The following RAB11A variants were observed in gnomAD, a reference collection of about 807,000 sequenced individuals.
RAB11A encodes the protein ras-related protein Rab-11A.
RAB11A carries 9 observed loss-of-function variants against 28.0 expected under a neutral mutation model. The ratio of observed to expected loss-of-function variants is 0.32; its 90% CI spans 0.19 to 0.56. The LOEUF is 0.56. RAB11A is among the 20% of genes least tolerant of loss of function. The pLI, the probability that RAB11A is intolerant of heterozygous loss-of-function variation, is 0.91. For synonymous variants in RAB11A, 85 were observed against 88.2 expected (o/e 0.96, Z 0.20); for missense variants, 108 against 269.6 (o/e 0.40, Z 4.20).
At chr15:65,871,791 CT>C (rs1463016238) in intron 1 of RAB11A, among the ~76,000 whole-genome samples, 1 of 151,656 alleles carries the variant, frequency 6.6e-6, no homozygotes, top group African/African-American at 2.4e-5. Flanking sequence ...CAGTTCTCTA[CT>C]TTATAAAAAG....
intron 1 of RAB11A, among the ~76,000 whole-genome samples, chr15:65,871,158 A>G (rs992378742): frequency 9.2e-5 from 14 of 152,064 alleles, no homozygotes; most frequent in African/African-American, 3.1e-4. Context: ...CAAGCAGGAA[A>G]GATTTCTTTG....
At position 65,879,672 on chromosome 15, in the gene RAB11A, A is replaced by G; in HGVS notation, c.432A>G (p.Glu144=). The stretch of plus-strand genomic sequence containing the variant: ...CTGAACTTTTGTGTCTCCCCTCAGA[A>G]AAGAATGGTTTGTCATTCATTGAAA... ...VPTDEARAFA[E]KNGLSFIETS... The change falls in exon 4 of 5, where the codon GAA becomes GAG. Residue 144 remains glutamate (E), a splice_region_variant and synonymous_variant. Transcript: ENST00000261890. 6.3e-7 allele frequency: 1 copy of G among 1,587,436 alleles called. No homozygotes were observed. The highest frequency in any genetic ancestry group is 8.6e-7 in the Non-Finnish European group (1 of 1,157,714).
At chr15:65,874,219 G>C (rs533772372) in intron 1 of RAB11A, among the ~76,000 whole-genome samples, 2 of 151,038 alleles carry the variant, frequency 1.3e-5, no homozygotes, top group Non-Finnish European at 3.0e-5. Context: ...CAGATGTCTA[G>C]TTGATAACTT....
At chr15:65,878,028 T>G (rs1401631982) in intron 3 of RAB11A, 73 bp downstream of exon 3, 1 of 1,334,688 alleles carries the variant, frequency 7.5e-7, no homozygotes. Context: ...ATGAGAGTAA[T>G]AGGTTATAAT....
chr15:65,888,177 C>A lies in RAB11A; in HGVS notation c.*337C>A. 1 of 182,300 alleles carries A rather than the reference C, an allele frequency of 5.5e-6. No individual in the cohort carries two copies. Among genetic ancestry groups the A allele is most frequent in the Non-Finnish European group, 1.1e-5 (1 of 88,400 alleles). 11.3% of individuals were successfully genotyped at this position (182,300 alleles called of 1,614,324 possible). A position where few individuals can be genotyped will look rare whatever the true frequency, so the allele number is the denominator to read the frequency against. Reference sequence around the variant, plus strand: ...GAAGCTCAGACCTATTGGTCTTGATCAAATCAAACTAAGAAGACCTTAGAA... The same window carrying A: ...GAAGCTCAGACCTATTGGTCTTGATAAAATCAAACTAAGAAGACCTTAGAA... On this transcript the variant is annotated 3_prime_UTR_variant, in exon 5 of 5. Coordinates refer to ENST00000261890, the MANE Select transcript of RAB11A (RefSeq NM_004663.5).
At chr15:65,870,272 G>A (rs527651328) in intron 1 of RAB11A, among the ~76,000 whole-genome samples, 2 of 152,216 alleles carry the variant, frequency 1.3e-5, no homozygotes, top group Admixed American at 1.3e-4. Flanking sequence ...AACCTTCTCT[G>A]ACCGCTCCCT....
At chr15:65,885,062 CAAAAA>C (rs993212269) in intron 4 of RAB11A, among the ~76,000 whole-genome samples, 2 of 138,340 alleles carry the variant, frequency 1.4e-5, no homozygotes, top group African/African-American at 2.7e-5. Context: ...GACTCTGTCT[CAAAAA>C]AAAAGGCATT....
rs370988187 is a variant in RAB11A at position 65,877,568 on chromosome 15, A to G, written c.236+41A>G. The stretch of plus-strand genomic sequence containing the variant: ...TTTAAGTTCTGTGAAATGGGTTGCC[A>G]TCGAGTGAATTAGCTGACTTTTGGT... On this transcript the variant is annotated intron_variant, in intron 2 of 4. Transcript: ENST00000261890. The surrounding 1 kb of genome is among the most constrained non-coding windows in gnomAD (Gnocchi z 4.1). 1.2e-5 allele frequency: 19 copies of G among 1,564,416 alleles called. No homozygotes were observed. The highest frequency in any genetic ancestry group is 1.7e-5 in the Non-Finnish European group (19 of 1,149,120).
In RAB11A at chr15:65,885,289, A is replaced by AT. The variant is rs57448123; in HGVS notation, c.512-2402dup. The stretch of plus-strand genomic sequence containing the variant: ...AGGCGGGTGCCACCCCACCTGGCTA[A>AT]TTTTTTTTTTGTATTTTTAGTAGAG... On this transcript the variant is annotated intron_variant, in intron 4 of 4. Coordinates refer to ENST00000261890, the MANE Select transcript of RAB11A (RefSeq NM_004663.5). Among the ~76,000 whole-genome samples, 1,398 of 148,048 alleles carry AT rather than the reference A, an allele frequency of 9.4e-3. 22 individuals are homozygous for AT. The highest frequency in any genetic ancestry group is 0.032 in the African/African-American group (1,298 of 40,446).
At chr15:65,872,830 T>A (rs1424756299) in intron 1 of RAB11A, among the ~76,000 whole-genome samples, 1 of 152,234 alleles carries the variant, frequency 6.6e-6, no homozygotes, top group Non-Finnish European at 1.5e-5. Flanking sequence ...TTCTTATTTA[T>A]ACAAGTATCC....
intron 4 of RAB11A, among the ~76,000 whole-genome samples, chr15:65,886,813 A>T (rs1567139468): frequency 6.6e-6 from 1 of 152,268 alleles, no homozygotes; most frequent in Admixed American, 6.5e-5. Context: ...AAAGAGGCAG[A>T]CACTAAATTA....
At chr15:65,876,047 A>T (rs529924512) in intron 1 of RAB11A, among the ~76,000 whole-genome samples, 1 of 152,392 alleles carries the variant, frequency 6.6e-6, no homozygotes, top group Admixed American at 6.5e-5. Context: ...TAAACGTGTG[A>T]ACTCATTTTG....
intron 1 of RAB11A, chr15:65,869,952 A>C: frequency 1.6e-5 from 4 of 247,928 alleles, no homozygotes; most frequent in Non-Finnish European, 2.3e-5. Context: ...TCCTCCCACC[A>C]TCTCTCTTTT....
At chr15:65,873,505 C>T (rs2078175512) in intron 1 of RAB11A, among the ~76,000 whole-genome samples, 1 of 152,090 alleles carries the variant, frequency 6.6e-6, no homozygotes, top group Admixed American at 6.6e-5. Flanking sequence ...TCTGGAAAAA[C>T]TTGTCTAGAC....
Position 65,877,221 on chromosome 15 carries a change from A to G in RAB11A, c.41-111A>G. On this transcript the variant is annotated intron_variant, in intron 1 of 4. Coordinates refer to ENST00000261890, the MANE Select transcript of RAB11A (RefSeq NM_004663.5). This position sits in a 1 kb window ranked among gnomAD's most constrained non-coding sequence, Gnocchi z 4.1. ...TTCCTTTTTAAAAGTCATATACCTT[A>G]TTTTTCTTGCTTTATTTACTCTGAA... The G allele has an allele frequency of 1.1e-6, 1 of 897,052 alleles. No individual in the cohort carries two copies. Among genetic ancestry groups the G allele is most frequent in the Non-Finnish European group, 1.7e-6 (1 of 592,990 alleles). 55.6% of individuals were successfully genotyped at this position (897,052 alleles called of 1,614,324 possible).
intron 4 of RAB11A, among the ~76,000 whole-genome samples, chr15:65,886,621 G>C (rs1234462534): frequency 6.6e-6 from 1 of 152,172 alleles, no homozygotes; most frequent in Non-Finnish European, 1.5e-5. Context: ...TTATAATCTA[G>C]TCACAGGGAA....
intron 4 of RAB11A, among the ~76,000 whole-genome samples, chr15:65,882,032 CAG>C (rs1179569295): frequency 6.6e-6 from 1 of 151,890 alleles, no homozygotes; most frequent in African/African-American, 2.4e-5. Context: ...GCCTTGTGGG[CAG>C]AGTGAGATCC....
In RAB11A at chr15:65,890,896, G is replaced by T. The variant is rs1259777363; in HGVS notation, c.*3056G>T. Reference sequence around the variant, plus strand: ...AAAAAATATAAATTGATTTTCTGATGTCTCACAAATATCACATACCTGGAA... The same window carrying T: ...AAAAAATATAAATTGATTTTCTGATTTCTCACAAATATCACATACCTGGAA... On this transcript the variant is annotated 3_prime_UTR_variant, in exon 5 of 5. Transcript: ENST00000261890. 6.6e-6 allele frequency: 1 copy of T among 152,162 alleles called. No individual in the cohort carries two copies. Among genetic ancestry groups the T allele is most frequent in the Non-Finnish European group, 1.5e-5 (1 of 68,030 alleles). The allele number at this position is 152,162 out of a possible 1,614,324, so 9.4% of individuals were successfully genotyped here. A position where few individuals can be genotyped will look rare whatever the true frequency, so the allele number is the denominator to read the frequency against.
intron 3 of RAB11A, among the ~76,000 whole-genome samples, chr15:65,879,118 A>C (rs759345799): frequency 6.6e-6 from 1 of 151,404 alleles, no homozygotes; most frequent in East Asian, 1.9e-4. Context: ...TCAGCCTCCT[A>C]AGTAGCTGAG....
Sources: gnomAD v4.1 joint callset for allele counts (sites outside exome capture counted in the v4.1 genomes callset) on GRCh38, gnomAD v4.1.1 for gene constraint, Gnocchi (gnomAD v3.1) non-coding constraint, MANE v1.5 for transcripts, NCBI Gene and HGNC (gene_info 2026-07-23, HGNC 2026-07-21) for gene names.